Variants in C8orf34 observed in about 807,000 individuals in gnomAD.
C8orf34 encodes the protein uncharacterized protein C8orf34.
In C8orf34, 65 loss-of-function variants were observed where a neutral mutation model predicts 68.3. The ratio of observed to expected loss-of-function variants is 0.95; its 90% CI spans 0.78 to 1.17. C8orf34 has a LOEUF of 1.17. Ranked by LOEUF, C8orf34 falls within the 50% of genes most tolerant of loss-of-function variation. The pLI, the probability that C8orf34 is intolerant of heterozygous loss-of-function variation, is 0.00. For synonymous variants in C8orf34, 244 were observed against 241.2 expected (o/e 1.01, Z -0.11); for missense variants, 664 against 655.4 (o/e 1.01, Z -0.14).
intron 7 of C8orf34, among the ~76,000 whole-genome samples, chr8:68,610,861 G>GTTTTTTTTTTTTTTTTTTTT (rs60113883): frequency 8.3e-6 from 1 of 120,476 alleles, no homozygotes; most frequent in Non-Finnish European, 1.7e-5. Flanking sequence ...TGAATCTTTG[G>GTTTTTTTTTTTTTTTTTTTT]TTTTTTTTTT....
rs540908765 is a variant in C8orf34, at chr8:68,562,585, T to G, written c.1105+29436T>G. On this transcript the variant is annotated intron_variant, in intron 7 of 13. Coordinates refer to ENST00000518698, the MANE Select transcript of C8orf34 (RefSeq NM_052958.4). ...GGGGTAATGGGAGGAAAATGCAGCCTGATTTGTCCTAAAGACACATTATCA... is the reference window on the plus strand; with the variant it reads ...GGGGTAATGGGAGGAAAATGCAGCCGGATTTGTCCTAAAGACACATTATCA... Among the ~76,000 whole-genome samples, 8 of 152,338 alleles carry G rather than the reference T, an allele frequency of 5.3e-5. No homozygotes were observed. The South Asian group carries it at 1.4e-3, about 28-fold the overall frequency.
intron 12 of C8orf34, among the ~76,000 whole-genome samples, chr8:68,808,268 A>T (rs1824543205): frequency 6.6e-6 from 1 of 152,200 alleles, no homozygotes; most frequent in African/African-American, 2.4e-5. Flanking sequence ...CTGTTACTGG[A>T]TAGGGATTTT....
rs187883622 is a variant in C8orf34, at chr8:68,648,500, A to G, written c.1241+7989A>G. ...TCTGGAAAGACCACCCACTAATTCT[A>G]TCTACCCACTGCCATTCTCAAGAGT... On this transcript the variant is annotated intron_variant, in intron 8 of 13. Transcript: ENST00000518698. Among the ~76,000 whole-genome samples the G allele has an allele frequency of 7.2e-5, 11 of 152,302 alleles. No homozygotes were observed. In the East Asian group the frequency reaches 1.2e-3, roughly 16 times the overall value.
chr8:68,412,442 C>T (rs1809482070), intron 1 of C8orf34, among the ~76,000 whole-genome samples: 1 of 152,080 alleles, frequency 6.6e-6, no homozygotes, highest in Non-Finnish European at 1.5e-5. Flanking sequence ...TAAAAATAGA[C>T]CTGTCTTTGA....
At chr8:68,513,409 C>T (rs1207682438) in intron 5 of C8orf34, among the ~76,000 whole-genome samples, 2 of 152,168 alleles carry the variant, frequency 1.3e-5, no homozygotes, top group Non-Finnish European at 2.9e-5. Context: ...GGAACTTATT[C>T]TCTAAGGTAG....
At chr8:68,694,369 T>TA (rs1327644488) in intron 8 of C8orf34, among the ~76,000 whole-genome samples, 2 of 152,258 alleles carry the variant, frequency 1.3e-5, no homozygotes, top group East Asian at 3.9e-4. Context: ...CTTTATATGC[T>TA]ACTTCTATAG....
intron 10 of C8orf34, among the ~76,000 whole-genome samples, chr8:68,722,423 T>C (rs946573367): frequency 1.3e-5 from 2 of 152,076 alleles, no homozygotes; most frequent in Non-Finnish European, 2.9e-5. Flanking sequence ...GTTCAACCCA[T>C]AACACTCTGT....
chr8:68,777,799 C>A (rs1823564268), intron 11 of C8orf34, among the ~76,000 whole-genome samples: 1 of 152,090 alleles, frequency 6.6e-6, no homozygotes, highest in East Asian at 1.9e-4. Context: ...AAAGAGAAAA[C>A]CTTTATTTAT....
intron 4 of C8orf34, among the ~76,000 whole-genome samples, chr8:68,469,400 T>G (rs896080500): frequency 7.2e-5 from 11 of 152,038 alleles, no homozygotes; most frequent in Non-Finnish European, 1.2e-4. Context: ...CTTGGTCCGC[T>G]CATCTCCAAA....
At chr8:68,767,267 T>G (rs1281184981) in intron 10 of C8orf34, among the ~76,000 whole-genome samples, 1 of 152,202 alleles carries the variant, frequency 6.6e-6, no homozygotes, top group Admixed American at 6.5e-5. Flanking sequence ...AGTCACAACC[T>G]CTACTTCCCA....
chr8:68,590,472 C>T (rs1027463100), intron 7 of C8orf34, among the ~76,000 whole-genome samples: 2 of 152,018 alleles, frequency 1.3e-5, no homozygotes, highest in African/African-American at 2.4e-5. Context: ...GTGATAATTC[C>T]TGTTGTACGG....
At chr8:68,731,631 A>C (rs1051751262) in intron 10 of C8orf34, among the ~76,000 whole-genome samples, 4 of 152,212 alleles carry the variant, frequency 2.6e-5, no homozygotes, top group African/African-American at 9.6e-5. Context: ...AAAGTTAAAA[A>C]AAAAATTACA....
intron 4 of C8orf34, among the ~76,000 whole-genome samples, chr8:68,487,822 C>T (rs1336733636): frequency 2.0e-5 from 3 of 152,178 alleles, no homozygotes; most frequent in African/African-American, 7.2e-5. Flanking sequence ...TTCAGCAGTT[C>T]ATGGCTGTCA....
chr8:68,611,218 G>A (rs1233531704), intron 7 of C8orf34, among the ~76,000 whole-genome samples: 1 of 152,098 alleles, frequency 6.6e-6, no homozygotes, highest in Non-Finnish European at 1.5e-5. Flanking sequence ...ATAGACATTA[G>A]GGAAATCGTA....
chr8:68,565,712 A>G (rs1816567677), intron 7 of C8orf34, among the ~76,000 whole-genome samples: 1 of 152,168 alleles, frequency 6.6e-6, no homozygotes, highest in South Asian at 2.1e-4. Flanking sequence ...ATTACATTAT[A>G]TGATCTGGCA....
intron 7 of C8orf34, among the ~76,000 whole-genome samples, chr8:68,564,402 T>A (rs1045924541): frequency 2.0e-5 from 3 of 152,218 alleles, no homozygotes; most frequent in Non-Finnish European, 4.4e-5. Flanking sequence ...CTTAGTCATA[T>A]CATTGGCAAA....
intron 4 of C8orf34, among the ~76,000 whole-genome samples, chr8:68,479,765 G>A (rs553900914): frequency 6.6e-6 from 1 of 152,280 alleles, no homozygotes; most frequent in South Asian, 2.1e-4. Context: ...GAAGAGATGG[G>A]TAGAGGGGCC....
intron 8 of C8orf34, among the ~76,000 whole-genome samples, chr8:68,679,027 A>T (rs1049394790): frequency 1.3e-5 from 2 of 152,104 alleles, no homozygotes; most frequent in African/African-American, 4.8e-5. Context: ...TAGGCCAGGC[A>T]CGGTGGCTCC....
intron 10 of C8orf34, among the ~76,000 whole-genome samples, chr8:68,763,218 A>C (rs6990164): frequency 0.31 from 47,581 of 152,082 alleles, 8,382 homozygotes; most frequent in African/African-American, 0.48. Flanking sequence ...CAATGGTATA[A>C]TCTTTCGTTA....
Sources: gnomAD v4.1 joint callset for allele counts (sites outside exome capture counted in the v4.1 genomes callset) on GRCh38, gnomAD v4.1.1 for gene constraint, MANE v1.5 for transcripts, NCBI Gene and HGNC (gene_info 2026-07-23, HGNC 2026-07-21) for gene names.